Variants in DMD observed in about 807,000 individuals in gnomAD.
DMD encodes the protein mutant dystrophin.
In DMD, 63 loss-of-function variants were observed where a neutral mutation model predicts 330.1. The observed-to-expected ratio is 0.19, with a 90% CI of 0.16 to 0.24. The LOEUF is 0.24. Ranked by LOEUF, DMD falls within the 10% of genes least tolerant of loss-of-function variation. The probability of loss-of-function intolerance (pLI) is 1.00; values close to 1 mark genes in which losing one functional copy is unlikely to be tolerated. For missense variants in DMD, 3,344 were observed against 2,684.1 expected (o/e 1.25, Z -5.43); for synonymous variants, 1,223 against 959.8 (o/e 1.27, Z -5.07).
At chrX:32,845,158 A>T (rs2080545864) in intron 3 of DMD, among the ~76,000 whole-genome samples, 1 of 112,181 alleles carries the variant, frequency 8.9e-6, no homozygotes, top group Non-Finnish European at 1.9e-5. Context: ...CCAATGACAG[A>T]AACATCAGCA....
chrX:32,749,979 C>CT (rs2070595856), intron 7 of DMD, among the ~76,000 whole-genome samples: 1 of 112,157 alleles, frequency 8.9e-6, no homozygotes, highest in South Asian at 3.7e-4. Context: ...GTTCACTGAT[C>CT]TTTTTTGAAA....
chrX:31,837,815 T>C (rs2093236385), intron 48 of DMD, among the ~76,000 whole-genome samples: 1 of 112,355 alleles, frequency 8.9e-6, no homozygotes, highest in African/African-American at 3.2e-5. Context: ...AATCTCATAC[T>C]GCCCAGTACA....
At chrX:32,944,417 T>C (rs1436152024) in intron 2 of DMD, among the ~76,000 whole-genome samples, 1 of 111,806 alleles carries the variant, frequency 8.9e-6, no homozygotes, top group Non-Finnish European at 1.9e-5. Context: ...GAATATTTGT[T>C]CAAGGTGAAA....
At chrX:32,725,591 A>C (rs143543562) in intron 7 of DMD, among the ~76,000 whole-genome samples, 1,840 of 110,745 alleles carry the variant, frequency 0.017, 45 homozygotes, top group African/African-American at 0.056. Flanking sequence ...GGATACAACA[A>C]TTGCAAATAT....
chrX:32,236,741 G>A (rs1315256167), intron 43 of DMD, among the ~76,000 whole-genome samples: 3 of 111,559 alleles, frequency 2.7e-5, no homozygotes, highest in African/African-American at 9.8e-5. Context: ...CCTTTTTCCT[G>A]TATAAATGAC....
chrX:31,721,712 CTCTCTCTATATATATA>C (rs2085549802), intron 52 of DMD, among the ~76,000 whole-genome samples: 2 of 62,062 alleles, frequency 3.2e-5, no homozygotes, highest in Non-Finnish European at 6.0e-5. Context: ...CTCTCTCTCT[CTCTCTCTATATATATA>C]TATATATATA....
At chrX:32,678,852 T>A (rs6527214) in intron 9 of DMD, among the ~76,000 whole-genome samples, 58,274 of 110,272 alleles carry the variant, frequency 0.53, 13,366 homozygotes, top group African/African-American at 0.89. Flanking sequence ...ACTCCCTCCT[T>A]ACAACTTTGG....
At chrX:32,602,975 C>G (rs1569289301) in intron 12 of DMD, among the ~76,000 whole-genome samples, 1 of 111,345 alleles carries the variant, frequency 9.0e-6, no homozygotes, top group Non-Finnish European at 1.9e-5. Context: ...ACTCTTTGAA[C>G]ACATCTATTT....
intron 62 of DMD, among the ~76,000 whole-genome samples, chrX:31,290,319 A>G (rs1039284815): frequency 9.0e-6 from 1 of 111,534 alleles, no homozygotes; most frequent in Non-Finnish European, 1.9e-5. Flanking sequence ...GGTAGTATTA[A>G]TAGTAATGAG....
chrX:31,217,053 C>T (rs1009239392), intron 64 of DMD, among the ~76,000 whole-genome samples: 4 of 111,925 alleles, frequency 3.6e-5, no homozygotes, highest in Admixed American at 1.9e-4. Flanking sequence ...TTGTTAAGTG[C>T]GTTTTTATTT....
intron 1 of DMD, among the ~76,000 whole-genome samples, chrX:33,318,523 C>T (rs1302248306): frequency 9.3e-6 from 1 of 107,792 alleles, no homozygotes; most frequent in Non-Finnish European, 1.9e-5. Flanking sequence ...TTTCCGCTCA[C>T]TGCAACCCCC....
chrX:32,759,748 T>G (rs1244799493), intron 7 of DMD, among the ~76,000 whole-genome samples: 5 of 108,274 alleles, frequency 4.6e-5, no homozygotes, highest in African/African-American at 1.3e-4. Context: ...TTTTAAAGTT[T>G]CAGAGAGCTA....
intron 60 of DMD, among the ~76,000 whole-genome samples, chrX:31,410,939 T>C (rs2061615565): frequency 1.0e-5 from 1 of 98,464 alleles, no homozygotes; most frequent in Non-Finnish European, 2.0e-5. Flanking sequence ...TTTTTTTTTT[T>C]TTTTTCAGTA....
intron 12 of DMD, among the ~76,000 whole-genome samples, chrX:32,599,810 T>A (rs1395400403): frequency 5.4e-5 from 6 of 112,086 alleles, no homozygotes; most frequent in African/African-American, 1.9e-4. Flanking sequence ...TTTGTAACAC[T>A]TACCAGATTT....
At chrX:32,226,978 C>T (rs1160592266) in intron 43 of DMD, among the ~76,000 whole-genome samples, 1 of 108,420 alleles carries the variant, frequency 9.2e-6, no homozygotes, top group Admixed American at 1.0e-4. Flanking sequence ...GCAAGTTCAA[C>T]ACCATCCTAA....
chrX:32,895,397 T>C (rs912724535), intron 2 of DMD, among the ~76,000 whole-genome samples: 1 of 112,545 alleles, frequency 8.9e-6, no homozygotes, highest in Non-Finnish European at 1.9e-5. Flanking sequence ...GTTCAGTTCA[T>C]CATAACTGAA....
intron 43 of DMD, among the ~76,000 whole-genome samples, chrX:32,259,227 A>T (rs1976647041): frequency 9.1e-6 from 1 of 110,269 alleles, no homozygotes; most frequent in Non-Finnish European, 1.9e-5. Context: ...ATTATTCATT[A>T]AAATTATACC....
intron 60 of DMD, among the ~76,000 whole-genome samples, chrX:31,374,383 T>G (rs1315691973): frequency 9.2e-6 from 1 of 108,847 alleles, no homozygotes. Flanking sequence ...GTACGTTTAT[T>G]GTGGCACTAT....
At chrX:32,719,770 T>C (rs1281804301) in intron 7 of DMD, among the ~76,000 whole-genome samples, 1 of 110,705 alleles carries the variant, frequency 9.0e-6, no homozygotes, top group East Asian at 2.8e-4. Context: ...TTTACTGTTA[T>C]CAGTCAGTCA....
Sources: allele counts gnomAD v4.1 joint callset (sites outside exome capture counted in the v4.1 genomes callset), GRCh38; gene constraint gnomAD v4.1.1; transcripts MANE v1.5; gene names NCBI Gene and HGNC (gene_info 2026-07-23, HGNC 2026-07-21).